AGPAT5: variants seen among roughly 807,000 people sequenced by gnomAD.
AGPAT5 encodes 1-acyl-sn-glycerol-3-phosphate acyltransferase epsilon.
AGPAT5 carries 46 observed loss-of-function variants against 45.6 expected under a neutral mutation model. That is an observed-to-expected ratio of 1.01 (90% CI 0.80 to 1.29). The LOEUF is 1.29. Ranked by LOEUF, AGPAT5 falls within the 50% of genes most tolerant of loss-of-function variation. The pLI is 0.00. For missense variants in AGPAT5, 673 were observed against 450.7 expected (o/e 1.49, Z -4.47); for synonymous variants, 272 against 167.0 (o/e 1.63, Z -4.85).
At chr8:6,712,583 G>C (rs1159977187) in intron 1 of AGPAT5, among the ~76,000 whole-genome samples, 1 of 152,178 alleles carries the variant, frequency 6.6e-6, no homozygotes, top group Non-Finnish European at 1.5e-5. Context: ...TTGAGCTGGA[G>C]TTTAAGGAAA....
At position 6,757,538 on chromosome 8, in the gene AGPAT5, G is replaced by A; in HGVS notation, c.*150G>A. 1 of 654,354 alleles carries A rather than the reference G, an allele frequency of 1.5e-6. No individual in the cohort carries two copies. The highest frequency in any genetic ancestry group is 2.8e-5 in the East Asian group (1 of 36,286). 40.5% of individuals were successfully genotyped at this position (654,354 alleles called of 1,614,324 possible). On this transcript the variant is annotated 3_prime_UTR_variant, in exon 8 of 8. Transcript: ENST00000285518. The stretch of plus-strand genomic sequence containing the variant: ...GATAATAGAATTTGTGACGAAAGCT[G>A]ATATGCAATGGTCTTGGGCAAACAT...
At chr8:6,731,785 C>A (rs1800871897) in intron 3 of AGPAT5, among the ~76,000 whole-genome samples, 1 of 152,000 alleles carries the variant, frequency 6.6e-6, no homozygotes, top group Non-Finnish European at 1.5e-5. Context: ...AACTTACTTT[C>A]TCCAGTTCTG....
Position 6,708,650 on chromosome 8 carries a change from CT to C in AGPAT5, c.-18del. Reference sequence around the variant, plus strand: ...GGGCGGGGAGCGCAGGCGGAGCTCGCTGCCGCCGAGCTGAGAAGATGCTGCT... The same window carrying C: ...GGGCGGGGAGCGCAGGCGGAGCTCGCGCCGCCGAGCTGAGAAGATGCTGCT... On this transcript the variant is annotated 5_prime_UTR_variant, in exon 1 of 8. Transcript: ENST00000285518. The C allele has an allele frequency of 1.3e-6, 2 of 1,511,906 alleles. No individual in the cohort carries two copies. The highest frequency in any genetic ancestry group is 1.8e-6 in the Non-Finnish European group (2 of 1,133,542). 93.7% of individuals were successfully genotyped at this position (1,511,906 alleles called of 1,614,324 possible).
chr8:6,717,958 G>A (rs1165920293), intron 1 of AGPAT5, among the ~76,000 whole-genome samples: 3 of 152,180 alleles, frequency 2.0e-5, no homozygotes, highest in Admixed American at 6.5e-5. Context: ...AAACCTAGGT[G>A]TAATTCCTAT....
chr8:6,708,910 G>T, intron 1 of AGPAT5, 23 bp downstream of exon 1: 4 of 1,587,622 alleles, frequency 2.5e-6, no homozygotes, highest in Middle Eastern at 1.7e-4. Flanking sequence ...CCGCTCCCGG[G>T]TCTCGGCGTC....
rs116874845 is a variant in AGPAT5, at chr8:6,724,916, A to G, written c.266A>G (p.Tyr89Cys). The G allele has an allele frequency of 4.3e-5, 50 of 1,171,790 alleles. No homozygotes were observed. The highest frequency in any genetic ancestry group is 5.5e-5 in the Non-Finnish European group (49 of 888,928). The allele number at this position is 1,171,790 out of a possible 1,614,324, so 72.6% of individuals were successfully genotyped here. The change falls in exon 2 of 8, where the codon TAT becomes TGT. Residue 89 changes from tyrosine (Y) to cysteine (C), a missense_variant. Coordinates refer to ENST00000285518, the MANE Select transcript of AGPAT5 (RefSeq NM_018361.5). ...CCAAAAAATAAAGAAAATATAATAT[A>G]TTTAGCAAATCATCAAAGCACAGGT... ...DLPKNKENII[Y>C]LANHQSTVDW...
intron 6 of AGPAT5, among the ~76,000 whole-genome samples, chr8:6,753,103 C>T (rs78383128): frequency 3.3e-5 from 5 of 152,100 alleles, no homozygotes; most frequent in East Asian, 3.9e-4. Context: ...AAAAGCATGC[C>T]GTAAACACAT....
In AGPAT5 at chr8:6,759,492, T is replaced by A. The variant is rs1587079077; in HGVS notation, c.*2104T>A. On this transcript the variant is annotated 3_prime_UTR_variant, in exon 8 of 8. Transcript: ENST00000285518. ...TAAAATTAAGAGCCGTATACCTACC[T>A]GTAAGTCTTTTCACATATCATTTAA... 6.6e-6 allele frequency: 1 copy of A among 152,250 alleles called. No homozygotes were observed. The allele number at this position is 152,250 out of a possible 1,614,324, so 9.4% of individuals were successfully genotyped here. A position where few individuals can be genotyped will look rare whatever the true frequency, so the allele number is the denominator to read the frequency against.
chr8:6,735,788 A>G (rs1801030045), intron 4 of AGPAT5, among the ~76,000 whole-genome samples: 1 of 151,788 alleles, frequency 6.6e-6, no homozygotes, highest in South Asian at 2.1e-4. Context: ...AACTTGGAAC[A>G]ATGTTAGATT....
intron 5 of AGPAT5, chr8:6,745,882 A>G (rs1801433879): frequency 6.6e-6 from 1 of 151,620 alleles, no homozygotes; most frequent in Non-Finnish European, 1.5e-5. Flanking sequence ...ATTTCCAACT[A>G]CTTCTAGAAT....
At chr8:6,733,685 G>A (rs1028665674) in intron 4 of AGPAT5, among the ~76,000 whole-genome samples, 1 of 152,306 alleles carries the variant, frequency 6.6e-6, no homozygotes, top group African/African-American at 2.4e-5. Flanking sequence ...GACAGAATAA[G>A]TTGGTAATAT....
intron 3 of AGPAT5, among the ~76,000 whole-genome samples, chr8:6,732,049 T>A (rs1227747216): frequency 6.6e-6 from 1 of 152,186 alleles, no homozygotes; most frequent in Non-Finnish European, 1.5e-5. Flanking sequence ...TCCCTCTCTC[T>A]GAATACAGTC....
At chr8:6,728,029 G>A (rs150262233) in intron 2 of AGPAT5, among the ~76,000 whole-genome samples, 408 of 152,308 alleles carry the variant, frequency 2.7e-3, no homozygotes, top group African/African-American at 9.1e-3. Flanking sequence ...GCATAGCGCT[G>A]GATCCATGGC....
At chr8:6,742,913 G>A (rs564584809) in intron 5 of AGPAT5, among the ~76,000 whole-genome samples, 6 of 152,174 alleles carry the variant, frequency 3.9e-5, no homozygotes, top group South Asian at 4.2e-4. Context: ...TAGACATGAC[G>A]TTCTGTCATT....
At position 6,711,214 on chromosome 8, in the gene AGPAT5, A is replaced by G. The variant is rs141761078; in HGVS notation, c.219+2327A>G. On this transcript the variant is annotated intron_variant, in intron 1 of 7. Coordinates refer to ENST00000285518, the MANE Select transcript of AGPAT5 (RefSeq NM_018361.5). The stretch of plus-strand genomic sequence containing the variant: ...AATTTTTAAGCTGAAGAGAAGTAGT[A>G]GTAGGTCCATGAGATTTATGATCTG... Among the ~76,000 whole-genome samples, 79 of 152,352 alleles carry G rather than the reference A, an allele frequency of 5.2e-4. No individual in the cohort carries two copies. The East Asian group carries it at 0.015, about 29-fold the overall frequency.
intron 2 of AGPAT5, among the ~76,000 whole-genome samples, chr8:6,730,030 T>A (rs1479066907): frequency 6.6e-6 from 1 of 152,144 alleles, no homozygotes; most frequent in African/African-American, 2.4e-5. Context: ...ATATACACAC[T>A]GAATATTTAG....
chr8:6,734,746 T>G (rs1268944389), intron 4 of AGPAT5, among the ~76,000 whole-genome samples: 1 of 151,976 alleles, frequency 6.6e-6, no homozygotes, highest in East Asian at 1.9e-4. Context: ...TGGATAGACT[T>G]GTCTTTCTGC....
At position 6,759,762 on chromosome 8, in the gene AGPAT5, A is replaced by C. The variant is rs974858255; in HGVS notation, c.*2374A>C. ...TGACTGGCCCTGCATTCTTCACAAT[A>C]TTTTTCCCTAAGCTTTGAGCAAAGT... On this transcript the variant is annotated 3_prime_UTR_variant, in exon 8 of 8. Coordinates refer to ENST00000285518, the MANE Select transcript of AGPAT5 (RefSeq NM_018361.5). 3 of 152,118 alleles carry C rather than the reference A, an allele frequency of 2.0e-5. No homozygotes were observed. Among genetic ancestry groups the C allele is most frequent in the African/African-American group, 7.2e-5 (3 of 41,424 alleles). 9.4% of individuals were successfully genotyped at this position (152,118 alleles called of 1,614,324 possible).
rs772455784 is a variant in AGPAT5 at position 6,741,721 on chromosome 8, T to A, written c.556T>A (p.Ser186Thr). 5.0e-6 allele frequency: 8 copies of A among 1,612,590 alleles called. No homozygotes were observed. The highest frequency in any genetic ancestry group is 6.8e-6 in the Non-Finnish European group (8 of 1,179,320). ...RYNPEQTKVLSASQAFAAQRG... is the reference protein window; with the variant it reads ...RYNPEQTKVLTASQAFAAQRG... The stretch of plus-strand genomic sequence containing the variant: ...TAATCCAGAGCAAACAAAAGTCCTT[T>A]CAGCTAGTCAGGCATTTGCTGCCCA... The change falls in exon 5 of 8, where the codon TCA becomes ACA. Residue 186 changes from serine to threonine, a missense_variant. By Grantham distance (58) the Ser-to-Thr change is moderately conservative (BLOSUM62 1). Transcript: ENST00000285518.
Sources: gnomAD v4.1 joint callset for allele counts (sites outside exome capture counted in the v4.1 genomes callset) on GRCh38, gnomAD v4.1.1 for gene constraint, MANE v1.5 for transcripts, NCBI Gene and HGNC (gene_info 2026-07-23, HGNC 2026-07-21) for gene names.